Variants in CNTNAP2 observed in about 807,000 individuals in gnomAD.
CNTNAP2 encodes contactin associated protein 2.
Under a neutral mutation model 155.2 loss-of-function variants are expected in CNTNAP2, and 98 were observed. The observed-to-expected ratio is 0.63, with a 90% CI of 0.54 to 0.75. The LOEUF (loss-of-function observed/expected upper bound fraction) is 0.75, where lower values mean the gene tolerates loss of function less well. Among genes scored for constraint, CNTNAP2 ranks in the 30% least tolerant of loss-of-function variants. The probability of loss-of-function intolerance (pLI) is 0.00; values close to 1 mark genes in which losing one functional copy is unlikely to be tolerated. For missense variants in CNTNAP2, 1,727 were observed against 1,688.1 expected, an observed-to-expected ratio of 1.02 and a Z score of -0.40; for synonymous variants, 651 against 631.2, an observed-to-expected ratio of 1.03 and a Z score of -0.47.
At chr7:147,719,336 A>G (rs1418704864) in intron 13 of CNTNAP2, among the ~76,000 whole-genome samples, 1 of 152,086 alleles carries the variant, frequency 6.6e-6, no homozygotes, top group Non-Finnish European at 1.5e-5. Flanking sequence ...TGGTAGACAT[A>G]GCTCCAAAAA....
chr7:146,597,535 C>A (rs1256805316), intron 1 of CNTNAP2, among the ~76,000 whole-genome samples: 1 of 151,882 alleles, frequency 6.6e-6, no homozygotes, highest in African/African-American at 2.4e-5. Context: ...GTAATATTTG[C>A]CCTTTCTTGG....
chr7:147,255,717 CTG>C (rs1309896759), intron 8 of CNTNAP2, among the ~76,000 whole-genome samples: 6 of 152,024 alleles, frequency 3.9e-5, no homozygotes, highest in Non-Finnish European at 8.8e-5. Context: ...GTAGAGGTCT[CTG>C]TACATATTTT....
intron 1 of CNTNAP2, among the ~76,000 whole-genome samples, chr7:146,769,765 C>T (rs1352214943): frequency 6.6e-6 from 1 of 152,240 alleles, no homozygotes; most frequent in East Asian, 1.9e-4. Context: ...AGTTTAGTTT[C>T]GTGGGCCATA....
intron 1 of CNTNAP2, among the ~76,000 whole-genome samples, chr7:146,435,469 T>C (rs368413692): frequency 6.6e-6 from 1 of 152,220 alleles, no homozygotes; most frequent in African/African-American, 2.4e-5. Context: ...GTAGAGTTTG[T>C]ACGAACAAAT....
intron 3 of CNTNAP2, among the ~76,000 whole-genome samples, chr7:146,978,008 T>A (rs1797945342): frequency 6.6e-6 from 1 of 152,172 alleles, no homozygotes; most frequent in Non-Finnish European, 1.5e-5. Context: ...GAAAAGGTCT[T>A]AAATGACTTC....
chr7:148,193,228 T>C (rs904248022), intron 18 of CNTNAP2, among the ~76,000 whole-genome samples: 2 of 152,130 alleles, frequency 1.3e-5, no homozygotes, highest in African/African-American at 4.8e-5. Context: ...GGTACTAAAT[T>C]ATAGGCTTTT....
intron 22 of CNTNAP2, among the ~76,000 whole-genome samples, chr7:148,390,898 T>A (rs1228591760): frequency 2.6e-5 from 4 of 152,222 alleles, no homozygotes; most frequent in African/African-American, 7.2e-5. Flanking sequence ...TGCACAACTA[T>A]AACAGATGTC....
intron 16 of CNTNAP2, among the ~76,000 whole-genome samples, chr7:148,145,578 A>C (rs1401114736): frequency 6.6e-6 from 1 of 152,242 alleles, no homozygotes; most frequent in East Asian, 1.9e-4. Flanking sequence ...TACTTAGCCC[A>C]GGAACCCTCG....
intron 20 of CNTNAP2, among the ~76,000 whole-genome samples, chr7:148,256,726 T>C (rs1796461431): frequency 6.6e-6 from 1 of 152,170 alleles, no homozygotes; most frequent in Non-Finnish European, 1.5e-5. Flanking sequence ...TGGATTCACC[T>C]GGATCTCTTC....
intron 1 of CNTNAP2, among the ~76,000 whole-genome samples, chr7:146,664,766 C>T (rs1363746077): frequency 6.6e-6 from 1 of 152,026 alleles, no homozygotes; most frequent in Non-Finnish European, 1.5e-5. Flanking sequence ...GTCATTTGAA[C>T]CTCAAGTTTA....
At chr7:147,722,185 T>G (rs1035767764) in intron 13 of CNTNAP2, among the ~76,000 whole-genome samples, 9 of 152,168 alleles carry the variant, frequency 5.9e-5, no homozygotes, top group Non-Finnish European at 1.3e-4. Context: ...CAATCCCTTC[T>G]CTTTGTGGAT....
chr7:147,793,582 T>G (rs1162064868), intron 13 of CNTNAP2, among the ~76,000 whole-genome samples: 1 of 152,104 alleles, frequency 6.6e-6, no homozygotes, highest in Non-Finnish European at 1.5e-5. Context: ...GCTTTGCAGT[T>G]TTTGAAATTG....
intron 1 of CNTNAP2, among the ~76,000 whole-genome samples, chr7:146,202,303 A>G (rs1322498636): frequency 2.0e-5 from 3 of 152,158 alleles, no homozygotes; most frequent in Non-Finnish European, 4.4e-5. Flanking sequence ...TTCAGCCAAG[A>G]TATTTTTTTA....
chr7:147,371,316 A>G (rs1315976586), intron 9 of CNTNAP2, among the ~76,000 whole-genome samples: 1 of 152,166 alleles, frequency 6.6e-6, no homozygotes, highest in African/African-American at 2.4e-5. Context: ...TTCTAAGAAG[A>G]AACCCCATTT....
At chr7:147,804,508 C>T (rs2116596640) in intron 13 of CNTNAP2, among the ~76,000 whole-genome samples, 1 of 152,156 alleles carries the variant, frequency 6.6e-6, no homozygotes, top group Non-Finnish European at 1.5e-5. Flanking sequence ...CTGAGCATGA[C>T]CTTCAAGGTG....
At chr7:148,280,340 C>T (rs981950000) in intron 21 of CNTNAP2, among the ~76,000 whole-genome samples, 2 of 152,108 alleles carry the variant, frequency 1.3e-5, no homozygotes, top group South Asian at 4.1e-4. Context: ...AGAGATTCTT[C>T]TGCAGTGGGA....
chr7:147,787,862 A>G (rs1048021607), intron 13 of CNTNAP2, among the ~76,000 whole-genome samples: 1 of 152,240 alleles, frequency 6.6e-6, no homozygotes, highest in African/African-American at 2.4e-5. Flanking sequence ...TGTAATGAAT[A>G]TGGAAAAGTA....
Position 146,340,615 on chromosome 7 carries a change from A to G in CNTNAP2, c.97+223642A>G, listed in dbSNP as rs560493146. Among the ~76,000 whole-genome samples the G allele has an allele frequency of 1.2e-3, 185 of 152,220 alleles. No homozygotes were observed. In the South Asian group the frequency reaches 0.013, roughly 10 times the overall value. On this transcript the variant is annotated intron_variant, in intron 1 of 23. Coordinates refer to ENST00000361727, the MANE Select transcript of CNTNAP2 (RefSeq NM_014141.6). Reference sequence around the variant, plus strand: ...GGACATCCTGTATTTTTATTTGCTAAGCAGGCAACCCTTCAAAAACTGGTC... The same window carrying G: ...GGACATCCTGTATTTTTATTTGCTAGGCAGGCAACCCTTCAAAAACTGGTC...
intron 14 of CNTNAP2, among the ~76,000 whole-genome samples, chr7:147,975,527 C>T (rs1289810187): frequency 6.6e-6 from 1 of 152,084 alleles, no homozygotes; most frequent in Non-Finnish European, 1.5e-5. Flanking sequence ...CTTATAGATG[C>T]TGGAAGGGTT....
Sources: gnomAD v4.1 joint callset for allele counts (sites outside exome capture counted in the v4.1 genomes callset) on GRCh38, gnomAD v4.1.1 for gene constraint, MANE v1.5 for transcripts, NCBI Gene and HGNC (gene_info 2026-07-23, HGNC 2026-07-21) for gene names.